The following COL6A6 variants were observed in gnomAD, a reference collection of about 807,000 sequenced individuals.
COL6A6 encodes the protein collagen alpha-6(VI) chain.
A neutral mutation model predicts 208.6 loss-of-function variants in COL6A6; 183 were observed. The observed-to-expected ratio is 0.88, with a 90% confidence interval of 0.78 to 0.99. The LOEUF (loss-of-function observed/expected upper bound fraction) is 0.99. COL6A6 is among the 50% of genes least tolerant of loss of function. The pLI, the probability that COL6A6 is intolerant of heterozygous loss-of-function variation, is 0.00. For missense variants in COL6A6, 2,816 were observed against 2,815.2 expected (o/e 1.00, Z -0.01); for synonymous variants, 973 against 1,011.8 (o/e 0.96, Z 0.73).
At chr3:130,528,972 C>T (rs2062022169) in intron 1 of COL6A6, among the ~76,000 whole-genome samples, 1 of 152,112 alleles carries the variant, frequency 6.6e-6, no homozygotes, top group African/African-American at 2.4e-5. Context: ...CACCTGTAGT[C>T]CCAGCAACTT....
intron 31 of COL6A6, among the ~76,000 whole-genome samples, chr3:130,644,452 T>G (rs2065408515): frequency 6.6e-6 from 1 of 152,240 alleles, no homozygotes; most frequent in African/African-American, 2.4e-5. Flanking sequence ...GGCTGCCATG[T>G]TGAACAGTAC....
chr3:130,560,301 C>A, intron 1 of COL6A6, 33 bp from the exon 2 acceptor site: 1 of 1,334,260 alleles, frequency 7.5e-7, no homozygotes, highest in Non-Finnish European at 1.1e-6. Context: ...AAATAATATC[C>A]ACAACAATTT....
chr3:130,594,807 A>C (rs192194148), intron 18 of COL6A6, among the ~76,000 whole-genome samples: 1 of 152,308 alleles, frequency 6.6e-6, no homozygotes, highest in African/African-American at 2.4e-5. Flanking sequence ...GTGCCCTCAC[A>C]ATCATGAAGA....
At chr3:130,532,173 T>C (rs2062112981) in intron 1 of COL6A6, among the ~76,000 whole-genome samples, 1 of 152,210 alleles carries the variant, frequency 6.6e-6, no homozygotes, top group Non-Finnish European at 1.5e-5. Flanking sequence ...TCCCTAGTTA[T>C]TGACTTCAAA....
At chr3:130,593,354 T>C (rs1401379596) in intron 17 of COL6A6, 102 bp downstream of exon 17, 2 of 913,662 alleles carry the variant, frequency 2.2e-6, no homozygotes, top group African/African-American at 3.3e-5. Flanking sequence ...AACTGTTTTG[T>C]GACAGTCATA....
Position 130,533,568 on chromosome 3 carries a change from A to T in COL6A6, c.-32+16171A>T, listed in dbSNP as rs186247702. On this transcript the variant is annotated intron_variant, in intron 1 of 36. Transcript: ENST00000358511. ...CTTTCAATGTTTGTTCAGACTTTTT[A>T]AAAAAATAAAATATTACAGACAAGT... 3.9e-3 allele frequency among the ~76,000 whole-genome samples: 584 copies of T among 150,026 alleles called. 3 individuals carry two copies. Among genetic ancestry groups the T allele is most frequent in the African/African-American group, 0.014 (553 of 39,368 alleles).
chr3:130,551,030 T>C (rs1048117032), intron 1 of COL6A6, among the ~76,000 whole-genome samples: 2 of 152,330 alleles, frequency 1.3e-5, no homozygotes, highest in African/African-American at 4.8e-5. Context: ...TCATGGTGGA[T>C]TAGCTTTTTC....
At chr3:130,609,301 AGTTC>A (rs1191519480) in intron 22 of COL6A6, among the ~76,000 whole-genome samples, 1 of 152,192 alleles carries the variant, frequency 6.6e-6, no homozygotes, top group African/African-American at 2.4e-5. Flanking sequence ...GCACAGTAAT[AGTTC>A]AGTGTTACAT....
chr3:130,567,076 A>G lies in COL6A6; in HGVS notation c.1657A>G (p.Ile553Val), dbSNP rs1447257982. 3.1e-6 allele frequency: 5 copies of G among 1,614,042 alleles called. No individual in the cohort carries two copies. The East Asian group carries it at 8.9e-5, about 29-fold the overall frequency. ...GACAAATGGCATGTCCAAGGATAGC[A>G]TCTTGGAGCCTGCAAACAGACTGAG... Reference protein sequence around the residue: ...VLTNGMSKDSILEPANRLREE... With the variant: ...VLTNGMSKDSVLEPANRLREE... The change falls in exon 5 of 37, where the codon ATC becomes GTC. Residue 553 changes from isoleucine (I) to valine (V), a missense_variant. Transcript: ENST00000358511.
chr3:130,638,092 A>G (rs1461428863), intron 28 of COL6A6, among the ~76,000 whole-genome samples: 1 of 152,014 alleles, frequency 6.6e-6, no homozygotes, highest in Admixed American at 6.6e-5. Flanking sequence ...CTCCCTTGCT[A>G]AGAACCACTG....
intron 1 of COL6A6, among the ~76,000 whole-genome samples, chr3:130,557,602 A>G (rs922261011): frequency 7.2e-5 from 11 of 152,222 alleles, no homozygotes; most frequent in Non-Finnish European, 1.6e-4. Context: ...TCTGAAGAAA[A>G]ATAAAATCAG....
chr3:130,611,319 G>T (rs534820692), intron 23 of COL6A6, among the ~76,000 whole-genome samples: 1 of 152,326 alleles, frequency 6.6e-6, no homozygotes, highest in Non-Finnish European at 1.5e-5. Context: ...TCAAGGGCAA[G>T]GCCTGAGATT....
At chr3:130,660,368 C>A (rs762962920) in intron 34 of COL6A6, among the ~76,000 whole-genome samples, 58 of 152,174 alleles carry the variant, frequency 3.8e-4, no homozygotes, top group Non-Finnish European at 1.6e-4. Context: ...AAAGTCACAT[C>A]TTTATTGAGT....
chr3:130,570,396 A>G (rs1414441639), intron 6 of COL6A6, among the ~76,000 whole-genome samples: 3 of 152,254 alleles, frequency 2.0e-5, no homozygotes, highest in African/African-American at 2.4e-5. Context: ...CAAGGTTTAT[A>G]TTAAGAATAC....
intron 1 of COL6A6, among the ~76,000 whole-genome samples, chr3:130,525,952 T>C (rs923794380): frequency 6.6e-6 from 1 of 152,202 alleles, no homozygotes; most frequent in Non-Finnish European, 1.5e-5. Context: ...TGTAGTGATA[T>C]ATGTCATCAC....
intron 1 of COL6A6, among the ~76,000 whole-genome samples, chr3:130,519,842 C>T (rs906854983): frequency 1.3e-5 from 2 of 152,198 alleles, no homozygotes; most frequent in African/African-American, 2.4e-5. Flanking sequence ...AGAATTGTTT[C>T]CAATAATTTA....
intron 12 of COL6A6, among the ~76,000 whole-genome samples, 186 bp from the exon 13 acceptor site, chr3:130,590,855 C>T (rs2063696250): frequency 6.6e-6 from 1 of 152,180 alleles, no homozygotes; most frequent in African/African-American, 2.4e-5. Context: ...GCATGAGCCA[C>T]CACACCCGGC....
intron 28 of COL6A6, among the ~76,000 whole-genome samples, chr3:130,640,620 T>C (rs924181304): frequency 1.3e-5 from 2 of 152,234 alleles, no homozygotes; most frequent in Non-Finnish European, 2.9e-5. Context: ...TTTATTCCTG[T>C]AAATGTTGTA....
chr3:130,539,686 C>T (rs1037469270), intron 1 of COL6A6, among the ~76,000 whole-genome samples: 4 of 151,640 alleles, frequency 2.6e-5, no homozygotes, highest in African/African-American at 9.7e-5. Context: ...TTCTGCAGTA[C>T]ACCATGAAAA....
Sources: allele counts gnomAD v4.1 joint callset (sites outside exome capture counted in the v4.1 genomes callset), GRCh38; gene constraint gnomAD v4.1.1; transcripts MANE v1.5; gene names NCBI Gene and HGNC (gene_info 2026-07-23, HGNC 2026-07-21).